RBMS1: variants seen among roughly 807,000 people sequenced by gnomAD.
RBMS1 encodes RNA-binding motif, single-stranded-interacting protein 1.
Under a neutral mutation model 62.3 loss-of-function variants are expected in RBMS1, and 17 were observed. The observed-to-expected ratio is 0.27, with a 90% CI of 0.19 to 0.41. RBMS1 has a LOEUF of 0.41. Among genes scored for constraint, RBMS1 ranks in the 10% least tolerant of loss-of-function variants. The pLI is 1.00. For synonymous variants in RBMS1, 172 were observed against 170.0 expected, an observed-to-expected ratio of 1.01 and a Z score of -0.09; for missense variants, 334 against 504.5, an observed-to-expected ratio of 0.66 and a Z score of 3.24.
At chr2:160,403,986 A>G (rs950933530) in intron 1 of RBMS1, among the ~76,000 whole-genome samples, 1 of 152,160 alleles carries the variant, frequency 6.6e-6, no homozygotes, top group Non-Finnish European at 1.5e-5. Context: ...ACACACTAAA[A>G]TATTTTCATA....
chr2:160,321,962 A>T (rs1025411845), intron 2 of RBMS1, among the ~76,000 whole-genome samples: 4 of 152,220 alleles, frequency 2.6e-5, no homozygotes, highest in African/African-American at 9.7e-5. Flanking sequence ...CCCATGCTTG[A>T]ACTTGAAGAA....
intron 1 of RBMS1, among the ~76,000 whole-genome samples, chr2:160,448,598 C>G (rs1307731452): frequency 6.6e-6 from 1 of 152,236 alleles, no homozygotes; most frequent in East Asian, 1.9e-4. Context: ...ACTCAGTGCT[C>G]GATGTTGCCC....
chr2:160,309,219 G>A (rs188151428), intron 4 of RBMS1, among the ~76,000 whole-genome samples: 6 of 152,298 alleles, frequency 3.9e-5, no homozygotes, highest in Middle Eastern at 3.4e-3. Flanking sequence ...GGAGAGAAAC[G>A]CTGAAGCGTT....
chr2:160,313,381 A>G (rs1690039426), intron 3 of RBMS1, 134 bp from the exon 4 acceptor site: 3 of 769,272 alleles, frequency 3.9e-6, no homozygotes, highest in Non-Finnish European at 6.2e-6. Context: ...AGGCGTTAAC[A>G]GCTGCAGGCC....
chr2:160,411,382 C>T (rs903307689), intron 1 of RBMS1, among the ~76,000 whole-genome samples: 6 of 152,160 alleles, frequency 3.9e-5, no homozygotes, highest in African/African-American at 1.4e-4. Flanking sequence ...AAACAGGAAG[C>T]TTACTGGCAG....
chr2:160,458,515 G>T (rs1308682081), intron 1 of RBMS1, among the ~76,000 whole-genome samples: 2 of 152,154 alleles, frequency 1.3e-5, no homozygotes, highest in Non-Finnish European at 2.9e-5. Flanking sequence ...GAAATTGCCA[G>T]GCCGGGCACG....
intron 1 of RBMS1, among the ~76,000 whole-genome samples, chr2:160,490,416 A>G (rs1685772859): frequency 6.6e-6 from 1 of 152,022 alleles, no homozygotes; most frequent in African/African-American, 2.4e-5. Flanking sequence ...ATTTCCACTC[A>G]TGTCCTGCTC....
chr2:160,459,322 C>G (rs1038784592), intron 1 of RBMS1, among the ~76,000 whole-genome samples: 1 of 152,168 alleles, frequency 6.6e-6, no homozygotes, highest in Non-Finnish European at 1.5e-5. Flanking sequence ...CAGGACACCA[C>G]ACAAAGTACT....
chr2:160,324,260 TGCAC>T (rs1690757554), intron 2 of RBMS1, among the ~76,000 whole-genome samples: 1 of 142,982 alleles, frequency 7.0e-6, no homozygotes, highest in African/African-American at 2.5e-5. Context: ...TGCGTGCGCG[TGCAC>T]ACACACACAC....
At chr2:160,388,412 C>G (rs1694691944) in intron 1 of RBMS1, among the ~76,000 whole-genome samples, 1 of 152,134 alleles carries the variant, frequency 6.6e-6, no homozygotes, top group South Asian at 2.1e-4. Flanking sequence ...GTTTCTGATG[C>G]AGGTGGTACG....
intron 1 of RBMS1, among the ~76,000 whole-genome samples, chr2:160,373,964 T>C (rs1185226404): frequency 1.3e-5 from 2 of 152,096 alleles, no homozygotes; most frequent in East Asian, 3.9e-4. Flanking sequence ...CTGAGTGAGC[T>C]GAATACAAAT....
rs1687646500 is a variant in RBMS1, at chr2:160,272,781, CTCTTA to C, written c.*1986_*1990del. 1 of 152,218 alleles carries C rather than the reference CTCTTA, an allele frequency of 6.6e-6. No homozygotes were observed. Among genetic ancestry groups the C allele is most frequent in the Non-Finnish European group, 1.5e-5 (1 of 68,046 alleles). The allele number at this position is 152,218 out of a possible 1,614,324, so 9.4% of individuals were successfully genotyped here. ...CAAAAACAAAAACAAAAACACATTT[CTCTTA>C]TGACTATGTAATTTTCACTAGAATC... On this transcript the variant is annotated 3_prime_UTR_variant, in exon 14 of 14. Transcript: ENST00000348849.
At chr2:160,435,804 T>A (rs1316507072) in intron 1 of RBMS1, among the ~76,000 whole-genome samples, 1 of 152,182 alleles carries the variant, frequency 6.6e-6, no homozygotes, top group Non-Finnish European at 1.5e-5. Context: ...TTGCCTAAAT[T>A]TCCTAGCACT....
intron 1 of RBMS1, among the ~76,000 whole-genome samples, chr2:160,489,446 T>C (rs1685730886): frequency 6.6e-6 from 1 of 152,218 alleles, no homozygotes. Context: ...AACAGTTTTA[T>C]GTATCAAATC....
At chr2:160,471,756 G>A (rs4131704) in intron 1 of RBMS1, among the ~76,000 whole-genome samples, 1,662 of 133,650 alleles carry the variant, frequency 0.012, 27 homozygotes, top group Non-Finnish European at 0.019. Flanking sequence ...AAGTCCACTA[G>A]GTATTAGAAG....
In RBMS1 at chr2:160,481,037, C is replaced by T. The variant is rs571011970; in HGVS notation, c.75+12252G>A. Reference sequence around the variant, plus strand: ...CAGAGGTTGCAGTGAGCCTAGATCACGCCACTGCACTCCAGCCTAGGCAAC... The same window carrying T: ...CAGAGGTTGCAGTGAGCCTAGATCATGCCACTGCACTCCAGCCTAGGCAAC... On this transcript the variant is annotated intron_variant, in intron 1 of 13. Transcript: ENST00000348849. 5.5e-5 allele frequency among the ~76,000 whole-genome samples: 8 copies of T among 145,242 alleles called. No homozygotes were observed. In the East Asian group the frequency reaches 1.4e-3, roughly 26 times the overall value.
At chr2:160,450,930 TGG>T (rs1683956775) in intron 1 of RBMS1, among the ~76,000 whole-genome samples, 1 of 152,126 alleles carries the variant, frequency 6.6e-6, no homozygotes, top group Admixed American at 6.5e-5. Flanking sequence ...CCCAGCACTT[TGG>T]GAGGCCAAGG....
chr2:160,428,038 A>G (rs1437820399), intron 1 of RBMS1, among the ~76,000 whole-genome samples: 1 of 152,060 alleles, frequency 6.6e-6, no homozygotes, highest in Non-Finnish European at 1.5e-5. Flanking sequence ...TAAATATTTA[A>G]GAGAAAACAT....
chr2:160,488,282 T>C (rs1685679112), intron 1 of RBMS1, among the ~76,000 whole-genome samples: 1 of 152,138 alleles, frequency 6.6e-6, no homozygotes, highest in Non-Finnish European at 1.5e-5. Flanking sequence ...TTCATTAAAA[T>C]AAAACAGCAG....
Sources: allele counts gnomAD v4.1 joint callset (sites outside exome capture counted in the v4.1 genomes callset), GRCh38; gene constraint gnomAD v4.1.1; transcripts MANE v1.5; gene names NCBI Gene and HGNC (gene_info 2026-07-23, HGNC 2026-07-21).